Variants in HSPBAP1 observed in about 807,000 individuals in gnomAD.
HSPBAP1 encodes the protein HSPB1 associated protein 1, also known as HSPB1-associated protein 1.
Under a neutral mutation model 45.2 loss-of-function variants are expected in HSPBAP1, and 27 were observed. The ratio of observed to expected loss-of-function variants is 0.60; its 90% CI spans 0.44 to 0.82. The LOEUF (loss-of-function observed/expected upper bound fraction) is 0.82. HSPBAP1 is among the 40% of genes least tolerant of loss of function. The probability of loss-of-function intolerance (pLI) is 0.00; values close to 1 mark genes in which losing one functional copy is unlikely to be tolerated. For missense variants in HSPBAP1, 510 were observed against 590.9 expected (o/e 0.86, Z 1.42); for synonymous variants, 204 against 202.7 (o/e 1.01, Z -0.06).
Position 122,752,587 on chromosome 3 carries a change from G to A in HSPBAP1, c.825+4C>T, listed in dbSNP as rs1293913209. 10 of 1,428,954 alleles carry A rather than the reference G, an allele frequency of 7.0e-6. No homozygotes were observed. The highest frequency in any genetic ancestry group is 5.1e-5 in the East Asian group (2 of 39,278). 88.5% of individuals were successfully genotyped at this position (1,428,954 alleles called of 1,614,324 possible). ...AAAAAAAAAAAAAAACAACGAAAAAGTACCAGTTCAATCCATGAGTTTATA... is the reference window on the plus strand; with the variant it reads ...AAAAAAAAAAAAAAACAACGAAAAAATACCAGTTCAATCCATGAGTTTATA... On this transcript the variant is annotated splice_donor_region_variant and intron_variant, in intron 6 of 7. Transcript: ENST00000306103.
chr3:122,761,135 G>C (rs1288207595), intron 3 of HSPBAP1, among the ~76,000 whole-genome samples: 1 of 152,110 alleles, frequency 6.6e-6, no homozygotes, highest in African/African-American at 2.4e-5. Flanking sequence ...TCAGTCTGAG[G>C]AATTTAACTA....
At chr3:122,780,749 C>T (rs1935422666) in intron 1 of HSPBAP1, among the ~76,000 whole-genome samples, 1 of 151,790 alleles carries the variant, frequency 6.6e-6, no homozygotes, top group African/African-American at 2.4e-5. Context: ...GGGCTCCTCA[C>T]TTCTCAGACG....
At chr3:122,749,842 C>G (rs999616087) in intron 6 of HSPBAP1, among the ~76,000 whole-genome samples, 1 of 151,876 alleles carries the variant, frequency 6.6e-6, no homozygotes, top group African/African-American at 2.4e-5. Flanking sequence ...AATCTCCTGA[C>G]CATGTGATCT....
intron 3 of HSPBAP1, among the ~76,000 whole-genome samples, chr3:122,766,536 G>C (rs902717057): frequency 3.3e-5 from 5 of 152,178 alleles, no homozygotes. Context: ...TTGCCAAAAG[G>C]CTGCCCTTTA....
chr3:122,766,235 CA>C (rs1321832316), intron 3 of HSPBAP1, among the ~76,000 whole-genome samples: 1 of 152,048 alleles, frequency 6.6e-6, no homozygotes, highest in Non-Finnish European at 1.5e-5. Context: ...AATCAATAAA[CA>C]TTTTTAAAAT....
chr3:122,744,014 A>G (rs1198532036), intron 6 of HSPBAP1, among the ~76,000 whole-genome samples: 2 of 152,052 alleles, frequency 1.3e-5, no homozygotes, highest in Non-Finnish European at 1.5e-5. Flanking sequence ...TTCCATCTCT[A>G]AAAAATAAAA....
intron 5 of HSPBAP1, 171 bp downstream of exon 5, chr3:122,755,087 GTA>G (rs919393448): frequency 9.0e-6 from 11 of 1,225,084 alleles, no homozygotes; most frequent in Non-Finnish European, 1.1e-5. Flanking sequence ...AAGCAGAGGT[GTA>G]TGTGTCTGAA....
intron 3 of HSPBAP1, among the ~76,000 whole-genome samples, chr3:122,767,735 C>T (rs189091781): frequency 1.2e-3 from 177 of 152,228 alleles, no homozygotes; most frequent in Non-Finnish European, 1.9e-3. Context: ...TTAACATCAG[C>T]ATTTACATCT....
chr3:122,775,722 C>T (rs561769111), intron 2 of HSPBAP1, among the ~76,000 whole-genome samples: 57 of 152,296 alleles, frequency 3.7e-4, no homozygotes, highest in Non-Finnish European at 7.4e-4. Flanking sequence ...CTTTGGAAAA[C>T]GGTTTCTCAA....
chr3:122,782,798 C>T (rs79414360), intron 1 of HSPBAP1, among the ~76,000 whole-genome samples: 8,251 of 152,142 alleles, frequency 0.054, 290 homozygotes, highest in Middle Eastern at 0.11. Context: ...TTCTTCTCTA[C>T]GATAAAAGGA....
intron 5 of HSPBAP1, chr3:122,754,233 T>C (rs1172962748): frequency 1.3e-5 from 2 of 152,620 alleles, no homozygotes; most frequent in South Asian, 2.1e-4. Context: ...ACAACCCAAA[T>C]GTCCATCAAC....
intron 3 of HSPBAP1, among the ~76,000 whole-genome samples, chr3:122,767,836 G>A (rs1023871220): frequency 3.9e-5 from 6 of 152,252 alleles, no homozygotes; most frequent in Non-Finnish European, 8.8e-5. Context: ...CAAGTCCAGA[G>A]AGTGGGTGGT....
At chr3:122,768,939 G>GT (rs201183344) in intron 2 of HSPBAP1, 57 bp from the exon 3 acceptor site, 11,980 of 984,986 alleles carry the variant, frequency 0.012, no homozygotes, top group South Asian at 0.014. Flanking sequence ...CCTAATTATT[G>GT]TTTTTTTTTT....
intron 1 of HSPBAP1, among the ~76,000 whole-genome samples, chr3:122,787,664 G>A (rs1423434793): frequency 6.6e-6 from 1 of 152,124 alleles, no homozygotes; most frequent in East Asian, 1.9e-4. Context: ...ATACATCTAA[G>A]TGTATATATG....
At chr3:122,743,002 T>C (rs1933721848) in intron 6 of HSPBAP1, among the ~76,000 whole-genome samples, 1 of 152,216 alleles carries the variant, frequency 6.6e-6, no homozygotes, top group Non-Finnish European at 1.5e-5. Flanking sequence ...TACTGGATCA[T>C]ATGGTGTATC....
chr3:122,769,097 G>A (rs759287473), intron 2 of HSPBAP1, among the ~76,000 whole-genome samples: 1 of 151,836 alleles, frequency 6.6e-6, no homozygotes, highest in Non-Finnish European at 1.5e-5. Context: ...TTTGAGACCA[G>A]TCTGTGCAAC....
intron 3 of HSPBAP1, among the ~76,000 whole-genome samples, chr3:122,768,143 G>A (rs954071065): frequency 3.3e-5 from 5 of 152,172 alleles, no homozygotes; most frequent in African/African-American, 1.2e-4. Flanking sequence ...ATACGGCAAA[G>A]AACTTCCATA....
chr3:122,750,553 A>ATCTATCT (rs56143835), intron 6 of HSPBAP1, among the ~76,000 whole-genome samples: 66 of 86,518 alleles, frequency 7.6e-4, no homozygotes, highest in Non-Finnish European at 7.6e-4. Context: ...CTATCTATCT[A>ATCTATCT]ATCTATCTAT....
At chr3:122,792,149 T>G (rs963169913) in intron 1 of HSPBAP1, among the ~76,000 whole-genome samples, 1 of 152,224 alleles carries the variant, frequency 6.6e-6, no homozygotes, top group African/African-American at 2.4e-5. Context: ...GCAGGCTCAC[T>G]AGAGAAACAG....
Sources: gnomAD v4.1 joint callset for allele counts (sites outside exome capture counted in the v4.1 genomes callset) on GRCh38, gnomAD v4.1.1 for gene constraint, MANE v1.5 for transcripts, NCBI Gene and HGNC (gene_info 2026-07-23, HGNC 2026-07-21) for gene names.